Variants in UNC5D observed in about 807,000 individuals in gnomAD.
UNC5D encodes unc-5 netrin receptor D.
In UNC5D, 39 loss-of-function variants were observed where a neutral mutation model predicts 105.4. The ratio of observed to expected loss-of-function variants is 0.37; its 90% CI spans 0.29 to 0.48. The LOEUF (loss-of-function observed/expected upper bound fraction) is 0.48. Among genes scored for constraint, UNC5D ranks in the 20% least tolerant of loss-of-function variants. The pLI is 0.98. For synonymous variants in UNC5D, 452 were observed against 450.4 expected, an observed-to-expected ratio of 1.00 and a Z score of -0.04; for missense variants, 991 against 1,202.4, an observed-to-expected ratio of 0.82 and a Z score of 2.60.
intron 1 of UNC5D, among the ~76,000 whole-genome samples, chr8:35,390,562 A>G (rs940815451): frequency 3.9e-5 from 6 of 152,234 alleles, no homozygotes; most frequent in Non-Finnish European, 7.3e-5. Context: ...GAAAGAAAAT[A>G]TTGTAAAAAC....
intron 3 of UNC5D, among the ~76,000 whole-genome samples, chr8:35,583,070 G>A (rs2130849639): frequency 6.6e-6 from 1 of 152,292 alleles, no homozygotes; most frequent in African/African-American, 2.4e-5. Context: ...GAACAGCACA[G>A]GCTGGGTGCA....
intron 1 of UNC5D, among the ~76,000 whole-genome samples, chr8:35,263,650 A>G (rs1804638629): frequency 6.6e-6 from 1 of 152,240 alleles, no homozygotes; most frequent in African/African-American, 2.4e-5. Context: ...GAACAATAAG[A>G]CTTTAGTATT....
At chr8:35,534,069 C>T (rs1267639665) in intron 1 of UNC5D, among the ~76,000 whole-genome samples, 3 of 152,170 alleles carry the variant, frequency 2.0e-5, no homozygotes, top group African/African-American at 7.2e-5. Flanking sequence ...CTTGGCTCCT[C>T]CCGCCACAAC....
intron 1 of UNC5D, among the ~76,000 whole-genome samples, chr8:35,476,474 G>A (rs889468062): frequency 2.0e-5 from 3 of 152,162 alleles, no homozygotes; most frequent in Non-Finnish European, 2.9e-5. Context: ...TTATGGTATT[G>A]TATATGATAC....
At chr8:35,479,555 T>A (rs572057757) in intron 1 of UNC5D, among the ~76,000 whole-genome samples, 1 of 152,144 alleles carries the variant, frequency 6.6e-6, no homozygotes, top group African/African-American at 2.4e-5. Context: ...CCATCAACAG[T>A]AAACTGGATA....
intron 1 of UNC5D, among the ~76,000 whole-genome samples, chr8:35,443,449 G>C (rs1194177538): frequency 6.6e-6 from 1 of 151,848 alleles, no homozygotes; most frequent in Non-Finnish European, 1.5e-5. Context: ...GGAATCTAAA[G>C]CACAGAGCTG....
intron 2 of UNC5D, among the ~76,000 whole-genome samples, chr8:35,556,702 A>G (rs552245032): frequency 5.6e-4 from 85 of 152,284 alleles, no homozygotes; most frequent in African/African-American, 1.9e-3. Context: ...AAGAGTTGAT[A>G]TTATCTTTAA....
intron 9 of UNC5D, 72 bp from the exon 10 acceptor site, chr8:35,726,080 C>G: frequency 6.5e-7 from 1 of 1,527,102 alleles, no homozygotes; most frequent in Non-Finnish European, 8.8e-7. Flanking sequence ...GCGCAGTTTG[C>G]AGAGGCAGAA....
At position 35,725,885 on chromosome 8, in the gene UNC5D, T is replaced by C. The variant is rs561957314; in HGVS notation, c.1304-267T>C. Among the ~76,000 whole-genome samples the C allele has an allele frequency of 5.3e-5, 8 of 152,312 alleles. No homozygotes were observed. In the South Asian group the frequency reaches 1.5e-3, roughly 28 times the overall value. On this transcript the variant is annotated intron_variant, in intron 9 of 16. Transcript: ENST00000404895. Reference sequence around the variant, plus strand: ...TGCCAGAGAGAGTGCCAGAAATACTTGTTTTGAAAAGATAGCACGGAAAGA... The same window carrying C: ...TGCCAGAGAGAGTGCCAGAAATACTCGTTTTGAAAAGATAGCACGGAAAGA...
At chr8:35,678,046 A>G (rs1201686691) in intron 4 of UNC5D, among the ~76,000 whole-genome samples, 1 of 152,006 alleles carries the variant, frequency 6.6e-6, no homozygotes, top group Non-Finnish European at 1.5e-5. Context: ...TAGTTTTCAA[A>G]CTATAATTTT....
intron 7 of UNC5D, among the ~76,000 whole-genome samples, chr8:35,694,242 G>A (rs961532158): frequency 1.3e-5 from 2 of 152,052 alleles, no homozygotes; most frequent in Non-Finnish European, 2.9e-5. Context: ...AGGTACAGAG[G>A]TTGAGCTTCA....
At chr8:35,319,805 GA>G (rs35966630) in intron 1 of UNC5D, among the ~76,000 whole-genome samples, 51,059 of 145,568 alleles carry the variant, frequency 0.35, 10,296 homozygotes, top group Middle Eastern at 0.46. Flanking sequence ...TAGAAATGGA[GA>G]AAAAAAAAAA....
intron 1 of UNC5D, among the ~76,000 whole-genome samples, chr8:35,474,977 C>T (rs1302876987): frequency 1.3e-5 from 2 of 152,014 alleles, no homozygotes; most frequent in South Asian, 2.1e-4. Flanking sequence ...CACTTAGATC[C>T]TGGGAGGGTA....
intron 1 of UNC5D, among the ~76,000 whole-genome samples, chr8:35,332,285 G>T (rs1810684162): frequency 1.3e-5 from 2 of 152,146 alleles, no homozygotes; most frequent in African/African-American, 4.8e-5. Flanking sequence ...TTTTACTATT[G>T]TACTGTGATG....
intron 1 of UNC5D, among the ~76,000 whole-genome samples, chr8:35,322,770 G>C (rs1287420496): frequency 2.6e-5 from 4 of 152,146 alleles, no homozygotes; most frequent in Non-Finnish European, 4.4e-5. Flanking sequence ...ATGGCACAAG[G>C]TTTTGGCTCA....
intron 16 of UNC5D, among the ~76,000 whole-genome samples, chr8:35,787,458 G>A (rs952861237): frequency 5.3e-5 from 8 of 152,076 alleles, no homozygotes; most frequent in Non-Finnish European, 7.4e-5. Flanking sequence ...CTCAGGCCTC[G>A]TCTCTCCATT....
chr8:35,718,529 G>T (rs1290254930), intron 8 of UNC5D, among the ~76,000 whole-genome samples: 2 of 152,208 alleles, frequency 1.3e-5, no homozygotes, highest in Non-Finnish European at 2.9e-5. Flanking sequence ...AGCTGTTCAT[G>T]ATGATTGGCA....
At chr8:35,541,718 T>C (rs1444991814) in intron 1 of UNC5D, among the ~76,000 whole-genome samples, 1 of 152,208 alleles carries the variant, frequency 6.6e-6, no homozygotes, top group Non-Finnish European at 1.5e-5. Context: ...ATGCTTGTCA[T>C]AGATTTGTTA....
chr8:35,275,853 A>G (rs1484829090), intron 1 of UNC5D, among the ~76,000 whole-genome samples: 3 of 152,196 alleles, frequency 2.0e-5, no homozygotes, highest in Non-Finnish European at 4.4e-5. Context: ...GTTTTTATTT[A>G]TAATTACATT....
Sources: allele counts gnomAD v4.1 joint callset (sites outside exome capture counted in the v4.1 genomes callset), GRCh38; gene constraint gnomAD v4.1.1; transcripts MANE v1.5; gene names NCBI Gene and HGNC (gene_info 2026-07-23, HGNC 2026-07-21).